Variants in PTPRM observed in about 807,000 individuals in gnomAD.
The protein encoded by PTPRM is receptor-type tyrosine-protein phosphatase mu.
Under a neutral mutation model 186.7 loss-of-function variants are expected in PTPRM, and 47 were observed. That is an observed-to-expected ratio of 0.25 (90% CI 0.20 to 0.32). The LOEUF (loss-of-function observed/expected upper bound fraction) is 0.32, where lower values mean the gene tolerates loss of function less well. PTPRM is among the 10% of genes least tolerant of loss of function. PTPRM has a pLI of 1.00. For synonymous variants in PTPRM, 668 were observed against 674.9 expected (o/e 0.99, Z 0.16); for missense variants, 1,494 against 1,865.0 (o/e 0.80, Z 3.66).
intron 31 of PTPRM, among the ~76,000 whole-genome samples, chr18:8,389,009 C>T (rs373262474): frequency 1.3e-5 from 2 of 152,108 alleles, no homozygotes; most frequent in Non-Finnish European, 2.9e-5. Context: ...AAAAAGAATT[C>T]ATTAGCAGTC....
chr18:8,284,360 A>AC (rs2094933911), intron 19 of PTPRM, among the ~76,000 whole-genome samples: 1 of 152,068 alleles, frequency 6.6e-6, no homozygotes, highest in African/African-American at 2.4e-5. Context: ...CCAGCTCTTC[A>AC]TTTTTCAAAG....
At chr18:8,322,801 G>A (rs1165791460) in intron 22 of PTPRM, among the ~76,000 whole-genome samples, 1 of 152,050 alleles carries the variant, frequency 6.6e-6, no homozygotes, top group African/African-American at 2.4e-5. Context: ...GGGGGCCCTG[G>A]ATAAGTGTTC....
At chr18:7,865,354 C>T (rs917928025) in intron 2 of PTPRM, among the ~76,000 whole-genome samples, 32 of 152,186 alleles carry the variant, frequency 2.1e-4, no homozygotes, top group African/African-American at 6.0e-4. Flanking sequence ...TTTTGAGATA[C>T]GTCCCATTGA....
At chr18:7,891,262 G>C (rs1161758864) in intron 3 of PTPRM, among the ~76,000 whole-genome samples, 1 of 151,984 alleles carries the variant, frequency 6.6e-6, no homozygotes, top group African/African-American at 2.4e-5. Flanking sequence ...CTCCAGCCTG[G>C]GTGACAGAGT....
intron 20 of PTPRM, among the ~76,000 whole-genome samples, chr18:8,304,925 G>A (rs1295592574): frequency 1.3e-5 from 2 of 150,296 alleles, no homozygotes; most frequent in African/African-American, 4.9e-5. Context: ...AAAGTAGTAC[G>A]TAAAATCATA....
chr18:8,261,051 T>G (rs1195757828), intron 19 of PTPRM, among the ~76,000 whole-genome samples: 1 of 152,216 alleles, frequency 6.6e-6, no homozygotes, highest in Non-Finnish European at 1.5e-5. Flanking sequence ...ATAGATTCTG[T>G]GTGCAGTCCA....
At chr18:7,786,169 TA>T (rs949906973) in intron 2 of PTPRM, among the ~76,000 whole-genome samples, 21 of 152,350 alleles carry the variant, frequency 1.4e-4, no homozygotes, top group Admixed American at 7.8e-4. Flanking sequence ...AAGCAATATG[TA>T]AAAGCTTAAG....
At chr18:8,213,835 C>A (rs1168564432) in intron 14 of PTPRM, among the ~76,000 whole-genome samples, 3 of 152,116 alleles carry the variant, frequency 2.0e-5, no homozygotes, top group Admixed American at 6.5e-5. Flanking sequence ...TTCACAATTG[C>A]AAAGATACGG....
intron 7 of PTPRM, among the ~76,000 whole-genome samples, chr18:7,965,865 G>T (rs1453892589): frequency 1.3e-5 from 2 of 152,160 alleles, no homozygotes; most frequent in East Asian, 3.9e-4. Context: ...AACACGAAAT[G>T]TGGGCTCACT....
At chr18:8,158,332 C>T (rs1003816019) in intron 14 of PTPRM, among the ~76,000 whole-genome samples, 13 of 152,130 alleles carry the variant, frequency 8.5e-5, no homozygotes, top group African/African-American at 2.9e-4. Context: ...ATGATCTTTA[C>T]TGGGTGTGTG....
chr18:7,807,083 A>G (rs1221046741), intron 2 of PTPRM, among the ~76,000 whole-genome samples: 1 of 152,128 alleles, frequency 6.6e-6, no homozygotes, highest in African/African-American at 2.4e-5. Flanking sequence ...ATCATGAAAT[A>G]AGCAATTTTC....
At chr18:8,023,831 G>C (rs1350885285) in intron 7 of PTPRM, among the ~76,000 whole-genome samples, 5 of 110,184 alleles carry the variant, frequency 4.5e-5, no homozygotes, top group African/African-American at 1.2e-4. Context: ...ATTATCAGAA[G>C]ACACACACAC....
At chr18:7,880,914 G>A (rs1244422539) in intron 2 of PTPRM, among the ~76,000 whole-genome samples, 1 of 152,186 alleles carries the variant, frequency 6.6e-6, no homozygotes, top group Non-Finnish European at 1.5e-5. Flanking sequence ...TTGCATTATG[G>A]TCTTAAAGCA....
chr18:8,379,580 C>T (rs997218062), intron 28 of PTPRM, among the ~76,000 whole-genome samples: 6 of 152,182 alleles, frequency 3.9e-5, no homozygotes, highest in Non-Finnish European at 5.9e-5. Flanking sequence ...CACAGTTGCC[C>T]TCTGAGAGCT....
chr18:8,010,306 T>A (rs1294994322), intron 7 of PTPRM, among the ~76,000 whole-genome samples: 1 of 152,218 alleles, frequency 6.6e-6, no homozygotes, highest in Non-Finnish European at 1.5e-5. Flanking sequence ...AAGCCTTCGG[T>A]GACTTTTTGT....
intron 2 of PTPRM, among the ~76,000 whole-genome samples, chr18:7,874,130 C>T (rs535621510): frequency 1.0e-3 from 157 of 151,806 alleles, no homozygotes; most frequent in Non-Finnish European, 1.6e-3. Context: ...AAAAAAAATC[C>T]CTTCGTATAT....
chr18:7,722,885 A>C (rs2040475349), intron 1 of PTPRM, among the ~76,000 whole-genome samples: 1 of 152,242 alleles, frequency 6.6e-6, no homozygotes, highest in African/African-American at 2.4e-5. Flanking sequence ...AAGGTGTTCA[A>C]GTTCACTTAT....
At chr18:8,251,934 A>G (rs936982163) in intron 17 of PTPRM, 4 of 152,412 alleles carry the variant, frequency 2.6e-5, no homozygotes, top group Non-Finnish European at 4.4e-5. Context: ...ATATTTTGAC[A>G]GCACCCATCC....
At position 7,966,899 on chromosome 18, in the gene PTPRM, A is replaced by G. The variant is rs1221175829; in HGVS notation, c.1132+11485A>G. Among the ~76,000 whole-genome samples the G allele has an allele frequency of 8.7e-5, 11 of 126,954 alleles. 4 individuals are homozygous for G. The South Asian group carries it at 1.0e-3, about 12-fold the overall frequency. 83.3% of individuals were successfully genotyped at this position (126,954 alleles called of 152,430 possible). On this transcript the variant is annotated intron_variant, in intron 7 of 32. Coordinates refer to ENST00000580170, the MANE Select transcript of PTPRM (RefSeq NM_001105244.2). ...GGGGGAGGGGCGCCCACCATTGCCCAGGCTTGCTGAGGTAAACAAAGCAGC... is the reference window on the plus strand; with the variant it reads ...GGGGGAGGGGCGCCCACCATTGCCCGGGCTTGCTGAGGTAAACAAAGCAGC...
Sources: allele counts gnomAD v4.1 joint callset (sites outside exome capture counted in the v4.1 genomes callset), GRCh38; gene constraint gnomAD v4.1.1; transcripts MANE v1.5; gene names NCBI Gene and HGNC (gene_info 2026-07-23, HGNC 2026-07-21).